Variants in SOX6 observed in about 807,000 individuals in gnomAD.
SOX6 encodes the protein transcription factor SOX-6.
SOX6 carries 11 observed loss-of-function variants against 97.8 expected under a neutral mutation model. That is an observed-to-expected ratio of 0.11 (90% confidence interval 0.07 to 0.19). The LOEUF (loss-of-function observed/expected upper bound fraction) is 0.19. Ranked by LOEUF, SOX6 falls within the 10% of genes least tolerant of loss-of-function variation. SOX6 has a pLI of 1.00. For synonymous variants in SOX6, 360 were observed against 371.4 expected, an observed-to-expected ratio of 0.97 and a Z score of 0.35; for missense variants, 810 against 1,039.5, an observed-to-expected ratio of 0.78 and a Z score of 3.04.
chr11:16,183,864 G>A (rs917470583), intron 6 of SOX6, 22 bp downstream of exon 6: 22 of 1,606,384 alleles, frequency 1.4e-5, no homozygotes, highest in South Asian at 2.2e-5. Flanking sequence ...ATAATCAGAC[G>A]AGAGTAATAA....
chr11:16,143,431 A>C (rs1850202445), intron 6 of SOX6, among the ~76,000 whole-genome samples: 1 of 152,248 alleles, frequency 6.6e-6, no homozygotes, highest in South Asian at 2.1e-4. Context: ...GGCTAGGAAG[A>C]AACTGCATCA....
At chr11:16,240,480 A>G (rs1022929382) in intron 3 of SOX6, among the ~76,000 whole-genome samples, 1 of 152,006 alleles carries the variant, frequency 6.6e-6, no homozygotes, top group Non-Finnish European at 1.5e-5. Context: ...TTTATCTGCC[A>G]AATTCTTAGA....
chr11:16,389,857 C>T (rs1858110537), intron 1 of SOX6, among the ~76,000 whole-genome samples: 1 of 149,892 alleles, frequency 6.7e-6, no homozygotes, highest in Admixed American at 6.7e-5. Flanking sequence ...GTAGTCCCAG[C>T]TGTTCGGGAG....
At chr11:16,069,740 C>A (rs966087000) in intron 9 of SOX6, among the ~76,000 whole-genome samples, 1 of 152,120 alleles carries the variant, frequency 6.6e-6, no homozygotes. Context: ...AGACTTCTGC[C>A]AATTGCCTTT....
At chr11:16,128,071 C>T (rs1332824283) in intron 6 of SOX6, among the ~76,000 whole-genome samples, 1 of 152,158 alleles carries the variant, frequency 6.6e-6, no homozygotes, top group Non-Finnish European at 1.5e-5. Context: ...AGCTTTCTAA[C>T]AACAGACTGC....
At chr11:16,642,257 A>G (rs2134005471) in intron 3 of SOX6, among the ~76,000 whole-genome samples, 1 of 152,094 alleles carries the variant, frequency 6.6e-6, no homozygotes, top group Non-Finnish European at 1.5e-5. Context: ...TGGCTTGTAG[A>G]GCTTCTGCCG....
intron 1 of SOX6, among the ~76,000 whole-genome samples, chr11:16,450,195 G>GT (rs1364584375): frequency 6.6e-6 from 1 of 152,124 alleles, no homozygotes; most frequent in African/African-American, 2.4e-5. Flanking sequence ...ACTATCAGCT[G>GT]TTAAGTAAGT....
intron 4 of SOX6, among the ~76,000 whole-genome samples, chr11:16,519,214 T>A (rs560217822): frequency 2.0e-5 from 3 of 152,246 alleles, no homozygotes; most frequent in South Asian, 2.1e-4. Context: ...ATTTTTTTTT[T>A]AATTCAGGGG....
At chr11:16,132,331 GAAAGAAAAAAGA>G (rs1283890755) in intron 6 of SOX6, among the ~76,000 whole-genome samples, 1 of 62,406 alleles carries the variant, frequency 1.6e-5, no homozygotes, top group African/African-American at 6.0e-5. Flanking sequence ...AGGAAGGAAG[GAAAGAAAAAAGA>G]AAGAAAGAAA....
intron 3 of SOX6, among the ~76,000 whole-genome samples, chr11:16,647,733 G>A (rs184288977): frequency 4.6e-5 from 7 of 152,246 alleles, no homozygotes; most frequent in Admixed American, 3.9e-4. Context: ...ATCCCCACTG[G>A]GGACTCTTAA....
At chr11:16,502,115 T>C (rs1046004162) in intron 4 of SOX6, among the ~76,000 whole-genome samples, 8 of 152,118 alleles carry the variant, frequency 5.3e-5, no homozygotes, top group Non-Finnish European at 8.8e-5. Flanking sequence ...ATATATACCA[T>C]GGAATACTAT....
chr11:16,378,876 T>G (rs1035305911), intron 1 of SOX6, among the ~76,000 whole-genome samples: 1 of 152,080 alleles, frequency 6.6e-6, no homozygotes, highest in Non-Finnish European at 1.5e-5. Context: ...CTCTTATAAA[T>G]CAATAAGAAT....
chr11:16,069,787 C>A (rs1411167664), intron 9 of SOX6, among the ~76,000 whole-genome samples: 1 of 152,174 alleles, frequency 6.6e-6, no homozygotes, highest in Non-Finnish European at 1.5e-5. Flanking sequence ...CAAGCATTGA[C>A]TGTAACCCAT....
intron 4 of SOX6, among the ~76,000 whole-genome samples, chr11:16,198,685 C>T (rs199890450): frequency 6.6e-6 from 1 of 152,184 alleles, no homozygotes; most frequent in East Asian, 1.9e-4. Flanking sequence ...GAGATTATCA[C>T]AAAACTTGAA....
intron 3 of SOX6, among the ~76,000 whole-genome samples, chr11:16,711,701 T>C (rs1848182064): frequency 6.6e-6 from 1 of 152,146 alleles, no homozygotes; most frequent in African/African-American, 2.4e-5. Flanking sequence ...TCTTTTTTTT[T>C]CTCAGCTCAA....
At chr11:16,490,830 A>C (rs1381085501) in intron 4 of SOX6, among the ~76,000 whole-genome samples, 1 of 152,086 alleles carries the variant, frequency 6.6e-6, no homozygotes, top group Non-Finnish European at 1.5e-5. Context: ...GACTTAATTA[A>C]TATCATCAAC....
chr11:16,141,764 G>A (rs1850149073), intron 6 of SOX6, among the ~76,000 whole-genome samples: 1 of 152,134 alleles, frequency 6.6e-6, no homozygotes, highest in African/African-American at 2.4e-5. Flanking sequence ...TGCTAGCACA[G>A]CAGTCTGAGA....
chr11:16,735,229 C>T (rs965104545), intron 2 of SOX6, among the ~76,000 whole-genome samples: 2 of 152,108 alleles, frequency 1.3e-5, no homozygotes, highest in Non-Finnish European at 1.5e-5. Flanking sequence ...TTTCACAGCC[C>T]GGCTTTGATC....
chr11:16,259,945 A>ATGTGTGTG (rs5789946), intron 3 of SOX6, among the ~76,000 whole-genome samples: 3 of 149,038 alleles, frequency 2.0e-5, no homozygotes, highest in African/African-American at 5.0e-5. Flanking sequence ...TGTCCCAAAT[A>ATGTGTGTG]TGTGTGTGTG....
Sources: gnomAD v4.1 joint callset for allele counts (sites outside exome capture counted in the v4.1 genomes callset) on GRCh38, gnomAD v4.1.1 for gene constraint, MANE v1.5 for transcripts, NCBI Gene and HGNC (gene_info 2026-07-23, HGNC 2026-07-21) for gene names.